The following STXBP5L variants were observed in gnomAD, a reference collection of about 807,000 sequenced individuals.
STXBP5L encodes syntaxin binding protein 5L.
In STXBP5L, 65 loss-of-function variants were observed where a neutral mutation model predicts 144.5. That is an observed-to-expected ratio of 0.45 (90% CI 0.37 to 0.55). STXBP5L has a LOEUF of 0.55. STXBP5L is among the 20% of genes least tolerant of loss of function. The pLI is 0.00. For synonymous variants in STXBP5L, 505 were observed against 469.6 expected, an observed-to-expected ratio of 1.08 and a Z score of -0.97; for missense variants, 1,298 against 1,405.5, an observed-to-expected ratio of 0.92 and a Z score of 1.22.
chr3:121,195,090 A>G (rs1439994282), intron 9 of STXBP5L, among the ~76,000 whole-genome samples: 1 of 150,670 alleles, frequency 6.6e-6, no homozygotes, highest in East Asian at 2.0e-4. Flanking sequence ...TAATTTTTGT[A>G]TTTTTTTTAA....
At chr3:121,082,298 T>A (rs77730023) in intron 5 of STXBP5L, among the ~76,000 whole-genome samples, 2 of 150,748 alleles carry the variant, frequency 1.3e-5, no homozygotes, top group East Asian at 1.9e-4. Flanking sequence ...TCTTTCATCA[T>A]TTTTTTTTGG....
intron 3 of STXBP5L, among the ~76,000 whole-genome samples, chr3:121,021,254 C>T (rs60950175): frequency 0.015 from 2,284 of 152,062 alleles, 65 homozygotes; most frequent in African/African-American, 0.052. Flanking sequence ...ACTGGAGCTC[C>T]CAAATTTATA....
chr3:120,992,907 A>G (rs1943041568), intron 3 of STXBP5L, among the ~76,000 whole-genome samples: 1 of 152,108 alleles, frequency 6.6e-6, no homozygotes, highest in Admixed American at 6.6e-5. Context: ...ATACTAATTT[A>G]CACTGCCGCC....
At chr3:121,271,618 G>T (rs1468783214) in intron 18 of STXBP5L, among the ~76,000 whole-genome samples, 1 of 152,104 alleles carries the variant, frequency 6.6e-6, no homozygotes, top group Non-Finnish European at 1.5e-5. Flanking sequence ...ATATATAGAG[G>T]TTATAATTTT....
At position 121,255,018 on chromosome 3, in the gene STXBP5L, G is replaced by T. The variant is rs951972806; in HGVS notation, c.1565G>T (p.Trp522Leu). The change falls in exon 16 of 27, where the codon TGG becomes TTG. Residue 522 changes from tryptophan (W) to leucine (L), a missense_variant. Transcript: ENST00000471454. ...EDPFAIQMIYWCPESRIFCVS... is the reference protein window; with the variant it reads ...EDPFAIQMIYLCPESRIFCVS... The stretch of plus-strand genomic sequence containing the variant: ...CCATTTGCCATTCAGATGATTTACT[G>T]GTGTCCAGAGAGCAGAATATTCTGT... 3.7e-6 allele frequency: 6 copies of T among 1,613,438 alleles called. No homozygotes were observed. The African/African-American group carries it at 8.0e-5, about 22-fold the overall frequency.
At chr3:121,150,225 C>A (rs761864814) in intron 7 of STXBP5L, among the ~76,000 whole-genome samples, 3 of 151,980 alleles carry the variant, frequency 2.0e-5, no homozygotes, top group Non-Finnish European at 4.4e-5. Flanking sequence ...CTAATGATAT[C>A]ATGGTGAAGA....
At chr3:121,174,893 C>T (rs2046872890) in intron 9 of STXBP5L, among the ~76,000 whole-genome samples, 1 of 151,870 alleles carries the variant, frequency 6.6e-6, no homozygotes, top group African/African-American at 2.4e-5. Context: ...ACAAAACTGT[C>T]AATTTAGGGC....
intron 5 of STXBP5L, among the ~76,000 whole-genome samples, chr3:121,066,182 A>T (rs2041533594): frequency 6.6e-6 from 1 of 152,264 alleles, no homozygotes; most frequent in Non-Finnish European, 1.5e-5. Flanking sequence ...TGTCCTCTAT[A>T]GGCCTCCAGT....
chr3:121,387,085 A>G (rs1458070329), intron 22 of STXBP5L, among the ~76,000 whole-genome samples: 1 of 152,082 alleles, frequency 6.6e-6, no homozygotes, highest in Non-Finnish European at 1.5e-5. Flanking sequence ...TGACTTTTTA[A>G]TGATTGCCAT....
intron 22 of STXBP5L, among the ~76,000 whole-genome samples, chr3:121,390,973 A>G (rs2046569554): frequency 1.3e-5 from 2 of 152,074 alleles, no homozygotes; most frequent in South Asian, 4.1e-4. Flanking sequence ...TACCCTGAAG[A>G]GTGTTTTCCA....
intron 4 of STXBP5L, among the ~76,000 whole-genome samples, chr3:121,043,525 A>G (rs973159069): frequency 9.9e-5 from 15 of 152,182 alleles, no homozygotes; most frequent in African/African-American, 1.9e-4. Context: ...CCTGGCCAAC[A>G]TGGTGAAACC....
chr3:121,186,626 G>A (rs928024800), intron 9 of STXBP5L, among the ~76,000 whole-genome samples: 1 of 152,184 alleles, frequency 6.6e-6, no homozygotes, highest in Non-Finnish European at 1.5e-5. Context: ...AACCAGCCTT[G>A]CATCCCAGGG....
chr3:121,014,549 A>G lies in STXBP5L; in HGVS notation c.288-27151A>G, dbSNP rs144281397. On this transcript the variant is annotated intron_variant, in intron 3 of 26. Coordinates refer to ENST00000471454, the MANE Select transcript of STXBP5L (RefSeq NM_001308330.2). ...TGTATAGATATGTCACAGTTTGCTTATTTTTTCACTTGTTCATGGACTTGT... is the reference window on the plus strand; with the variant it reads ...TGTATAGATATGTCACAGTTTGCTTGTTTTTTCACTTGTTCATGGACTTGT... Among the ~76,000 whole-genome samples the G allele has an allele frequency of 9.3e-4, 142 of 151,950 alleles. 1 individual carries two copies. Among genetic ancestry groups the G allele is most frequent in the Middle Eastern group, 3.4e-3 (1 of 294 alleles).
intron 7 of STXBP5L, among the ~76,000 whole-genome samples, chr3:121,127,336 G>T (rs2044756534): frequency 6.6e-6 from 1 of 152,026 alleles, no homozygotes; most frequent in African/African-American, 2.4e-5. Context: ...CAAAGTGGAT[G>T]ACTTAAAACA....
chr3:120,945,968 G>A (rs1418953156), intron 2 of STXBP5L, among the ~76,000 whole-genome samples: 1 of 151,646 alleles, frequency 6.6e-6, no homozygotes, highest in Non-Finnish European at 1.5e-5. Flanking sequence ...ATTTCATTCT[G>A]GTATCTGCAA....
chr3:121,233,443 T>C (rs2049370571), intron 11 of STXBP5L, among the ~76,000 whole-genome samples, 173 bp from the exon 12 acceptor site: 1 of 152,190 alleles, frequency 6.6e-6, no homozygotes, highest in South Asian at 2.1e-4. Flanking sequence ...TAATATTAAA[T>C]TTGAGAAGCA....
At chr3:120,996,610 C>T (rs555808542) in intron 3 of STXBP5L, among the ~76,000 whole-genome samples, 3 of 152,230 alleles carry the variant, frequency 2.0e-5, no homozygotes, top group African/African-American at 7.2e-5. Flanking sequence ...TAATATCTCC[C>T]CATTTTCCCA....
chr3:121,036,087 C>T (rs992952955), intron 3 of STXBP5L, among the ~76,000 whole-genome samples: 2 of 152,072 alleles, frequency 1.3e-5, no homozygotes, highest in African/African-American at 4.8e-5. Flanking sequence ...TAATCCAGCA[C>T]TTTGGGCGGC....
rs572453017 is a variant in STXBP5L at position 121,041,912 on chromosome 3, A to G, written c.369+131A>G. ...TGCATGCAATATTACTTCTGATTAT[A>G]TTTTTCACAAAAGACTGTACTCCTG... On this transcript the variant is annotated intron_variant, in intron 4 of 26. Transcript: ENST00000471454. 122 of 604,620 alleles carry G rather than the reference A, an allele frequency of 2.0e-4. No individual in the cohort carries two copies. The East Asian group carries it at 3.1e-3, about 15-fold the overall frequency. The allele number at this position is 604,620 out of a possible 1,614,324, so 37.5% of individuals were successfully genotyped here.
Sources: allele counts gnomAD v4.1 joint callset (sites outside exome capture counted in the v4.1 genomes callset), GRCh38; gene constraint gnomAD v4.1.1; transcripts MANE v1.5; gene names NCBI Gene and HGNC (gene_info 2026-07-23, HGNC 2026-07-21).